Variants in KCNH8 observed in about 807,000 individuals in gnomAD.
KCNH8 encodes voltage-gated delayed rectifier potassium channel KCNH8.
KCNH8 carries 70 observed loss-of-function variants against 103.6 expected under a neutral mutation model. The observed-to-expected ratio is 0.68, with a 90% CI of 0.56 to 0.82. The LOEUF is 0.82. Among genes scored for constraint, KCNH8 ranks in the 40% least tolerant of loss-of-function variants. The probability of loss-of-function intolerance (pLI) is 0.00; values close to 1 mark genes in which losing one functional copy is unlikely to be tolerated. For synonymous variants in KCNH8, 498 were observed against 489.4 expected, an observed-to-expected ratio of 1.02 and a Z score of -0.23; for missense variants, 1,217 against 1,329.9, an observed-to-expected ratio of 0.92 and a Z score of 1.32.
intron 15 of KCNH8, among the ~76,000 whole-genome samples, chr3:19,526,635 C>A (rs1315979723): frequency 6.6e-6 from 1 of 151,854 alleles, no homozygotes; most frequent in Non-Finnish European, 1.5e-5. Context: ...TAATAGGTCA[C>A]CAGTATCGCA....
intron 12 of KCNH8, among the ~76,000 whole-genome samples, chr3:19,512,077 A>G (rs2068792506): frequency 6.6e-6 from 1 of 152,144 alleles, no homozygotes; most frequent in Non-Finnish European, 1.5e-5. Flanking sequence ...GATATAAGGG[A>G]TTCAATTTTC....
chr3:19,520,958 T>C (rs1057243352), intron 15 of KCNH8, among the ~76,000 whole-genome samples: 2 of 152,010 alleles, frequency 1.3e-5, no homozygotes, highest in African/African-American at 4.8e-5. Flanking sequence ...ATTCACAGAA[T>C]AGTTAGGAGA....
chr3:19,354,095 CAGAG>C (rs1399113498), intron 5 of KCNH8, among the ~76,000 whole-genome samples: 1 of 152,072 alleles, frequency 6.6e-6, no homozygotes, highest in Non-Finnish European at 1.5e-5. Context: ...CAATAACAGA[CAGAG>C]AGCCAAATCA....
intron 1 of KCNH8, among the ~76,000 whole-genome samples, chr3:19,169,623 C>T (rs918095102): frequency 2.6e-5 from 4 of 152,136 alleles, no homozygotes; most frequent in Admixed American, 2.6e-4. Flanking sequence ...TTTTGTTGAC[C>T]GCATCTGAAA....
intron 3 of KCNH8, among the ~76,000 whole-genome samples, chr3:19,291,704 A>G (rs1035295922): frequency 6.6e-6 from 1 of 152,142 alleles, no homozygotes; most frequent in Non-Finnish European, 1.5e-5. Flanking sequence ...GTGGTGCTGA[A>G]AAGAATGTAT....
At chr3:19,380,609 G>A (rs924159445) in intron 5 of KCNH8, among the ~76,000 whole-genome samples, 2 of 152,186 alleles carry the variant, frequency 1.3e-5, no homozygotes, top group Non-Finnish European at 2.9e-5. Context: ...TCATTAGGCT[G>A]TACCCTCTAC....
intron 1 of KCNH8, among the ~76,000 whole-genome samples, chr3:19,200,650 A>T (rs986465507): frequency 2.0e-5 from 3 of 151,978 alleles, no homozygotes; most frequent in Admixed American, 2.0e-4. Context: ...TTATTAACTA[A>T]TTTTTGTTAA....
chr3:19,483,086 T>C (rs1356344462), intron 11 of KCNH8, among the ~76,000 whole-genome samples: 1 of 152,052 alleles, frequency 6.6e-6, no homozygotes, highest in Non-Finnish European at 1.5e-5. Flanking sequence ...GTGGGAAGCA[T>C]AGACAGGGAA....
intron 8 of KCNH8, among the ~76,000 whole-genome samples, chr3:19,442,596 T>C (rs1373055852): frequency 6.6e-6 from 1 of 152,186 alleles, no homozygotes; most frequent in East Asian, 1.9e-4. Context: ...TGAGCAAATG[T>C]CCTGGTGCAA....
intron 11 of KCNH8, among the ~76,000 whole-genome samples, chr3:19,504,848 T>A (rs975924880): frequency 3.3e-5 from 5 of 152,000 alleles, no homozygotes; most frequent in African/African-American, 1.2e-4. Flanking sequence ...TGAATATACA[T>A]TGTTCTACCA....
At chr3:19,395,458 C>T in intron 7 of KCNH8, 147 bp downstream of exon 7, 1 of 555,106 alleles carries the variant, frequency 1.8e-6, no homozygotes, top group Non-Finnish European at 3.1e-6. Context: ...GAATCCATGA[C>T]ACAAGTAATT....
In KCNH8 at chr3:19,173,853, C is replaced by T. The variant is rs1255009896; in HGVS notation, c.76+25058C>T. Reference sequence around the variant, plus strand: ...CAAAGTAAATAATTCTCTTTGTGTCCCCAGGACTCATCTAAGCATAAATTC... The same window carrying T: ...CAAAGTAAATAATTCTCTTTGTGTCTCCAGGACTCATCTAAGCATAAATTC... On this transcript the variant is annotated intron_variant, in intron 1 of 15. Transcript: ENST00000328405. Among the ~76,000 whole-genome samples the T allele has an allele frequency of 2.0e-5, 3 of 151,806 alleles. No individual in the cohort carries two copies. In the East Asian group the frequency reaches 5.8e-4, roughly 29 times the overall value.
chr3:19,456,706 T>G, intron 10 of KCNH8, 62 bp from the exon 11 acceptor site: 2 of 1,060,880 alleles, frequency 1.9e-6, no homozygotes, highest in East Asian at 2.4e-5. Flanking sequence ...GTAAGTCAAA[T>G]GAGGTTATCA....
chr3:19,252,122 C>T (rs1223620641), intron 1 of KCNH8, among the ~76,000 whole-genome samples: 2 of 152,040 alleles, frequency 1.3e-5, no homozygotes, highest in South Asian at 2.1e-4. Flanking sequence ...CTAAAAGTCA[C>T]CCACCAACAC....
chr3:19,369,616 A>G (rs951359438), intron 5 of KCNH8, among the ~76,000 whole-genome samples: 2 of 152,038 alleles, frequency 1.3e-5, no homozygotes, highest in African/African-American at 4.8e-5. Context: ...CATTCCAATG[A>G]AACATAGCTA....
At chr3:19,415,547 G>A (rs372054399) in intron 7 of KCNH8, among the ~76,000 whole-genome samples, 1 of 151,156 alleles carries the variant, frequency 6.6e-6, no homozygotes, top group Non-Finnish European at 1.5e-5. Context: ...ACAATTACTT[G>A]TTTTGTACTT....
chr3:19,197,613 T>G (rs113683754), intron 1 of KCNH8, among the ~76,000 whole-genome samples: 1 of 151,904 alleles, frequency 6.6e-6, no homozygotes, highest in South Asian at 2.1e-4. Flanking sequence ...ATCCCAACTT[T>G]GCCACTTCCT....
In KCNH8 at chr3:19,298,578, A is replaced by G. The variant is rs115550740; in HGVS notation, c.442+17249A>G. Reference sequence around the variant, plus strand: ...AAGACATACTGATACAGAATTCTTAAAGTTGCTGCATAAAATAAAAATTTT... The same window carrying G: ...AAGACATACTGATACAGAATTCTTAGAGTTGCTGCATAAAATAAAAATTTT... On this transcript the variant is annotated intron_variant, in intron 3 of 15. Transcript: ENST00000328405. Among the ~76,000 whole-genome samples, 1,074 of 152,338 alleles carry G rather than the reference A, an allele frequency of 7.1e-3. 26 individuals are homozygous for G. The highest frequency in any genetic ancestry group is 0.024 in the African/African-American group (998 of 41,578).
intron 3 of KCNH8, among the ~76,000 whole-genome samples, chr3:19,302,247 A>AGGCTTACT (rs2125290243): frequency 6.6e-6 from 1 of 152,270 alleles, no homozygotes; most frequent in Admixed American, 6.5e-5. Flanking sequence ...TGATTGAAAG[A>AGGCTTACT]GGCTTACTGT....
Sources: gnomAD v4.1 joint callset for allele counts (sites outside exome capture counted in the v4.1 genomes callset) on GRCh38, gnomAD v4.1.1 for gene constraint, MANE v1.5 for transcripts, NCBI Gene and HGNC (gene_info 2026-07-23, HGNC 2026-07-21) for gene names.